The following LRRC18 variants were observed in gnomAD, a reference collection of about 807,000 sequenced individuals.
LRRC18 encodes the protein leucine rich repeat containing 18.
In LRRC18, 12 loss-of-function variants were observed where a neutral mutation model predicts 11.2. The observed-to-expected ratio is 1.07, with a 90% CI of 0.69 to 1.74. The LOEUF is 1.74. LRRC18 is among the 40% of genes most tolerant of loss of function. LRRC18 has a pLI of 0.00. For synonymous variants in LRRC18, 155 were observed against 130.6 expected (o/e 1.19, Z -1.27); for missense variants, 374 against 330.5 (o/e 1.13, Z -1.02).
At chr10:48,931,606 CT>C in the LRRC18 span, among the ~76,000 whole-genome samples, 6 of 152,318 alleles carry the variant, frequency 3.9e-5, no homozygotes, top group Middle Eastern at 3.4e-3. Flanking sequence ...CTGTGGCCTA[CT>C]TTTTGAAGGA....
intron 1 of LRRC18, among the ~76,000 whole-genome samples, chr10:48,912,078 A>G (rs1266128778): frequency 1.3e-5 from 2 of 152,242 alleles, no homozygotes; most frequent in African/African-American, 2.4e-5. Flanking sequence ...CCCTCAAGGT[A>G]TCATTCTTGA....
At chr10:48,913,746 G>A (rs17853700) in exon 1 of LRRC18, 1 of 1,613,846 alleles carries the variant, frequency 6.2e-7, no homozygotes, top group Non-Finnish European at 8.5e-7. Flanking sequence ...CAGTGTGGTG[G>A]GCACGCTGTC....
intron 1 of LRRC18, among the ~76,000 whole-genome samples, chr10:48,911,819 A>C (rs1041187508): frequency 1.3e-5 from 2 of 152,252 alleles, no homozygotes; most frequent in Non-Finnish European, 2.9e-5. Context: ...AAAGGGAAAA[A>C]CTAAAATGAA....
At chr10:48,939,536 AAAGCC>A in the LRRC18 span, among the ~76,000 whole-genome samples, 1 of 152,218 alleles carries the variant, frequency 6.6e-6, no homozygotes, top group Admixed American at 6.5e-5. Flanking sequence ...AGCACATTAG[AAAGCC>A]AAGAGCCATT....
the LRRC18 span, among the ~76,000 whole-genome samples, chr10:48,939,522 C>T: frequency 6.6e-6 from 1 of 152,216 alleles, no homozygotes; most frequent in Non-Finnish European, 1.5e-5. Flanking sequence ...CCACGGATCT[C>T]AGGAGCACAT....
At chr10:48,911,982 T>G (rs982342246) in intron 1 of LRRC18, among the ~76,000 whole-genome samples, 1 of 152,188 alleles carries the variant, frequency 6.6e-6, no homozygotes, top group East Asian at 1.9e-4. Context: ...TAATACCACT[T>G]CACTGATGGA....
At chr10:48,926,335 T>C in the LRRC18 span, among the ~76,000 whole-genome samples, 1 of 152,230 alleles carries the variant, frequency 6.6e-6, no homozygotes, top group Non-Finnish European at 1.5e-5. Context: ...TCCCCAGAAC[T>C]CTGGGTGATG....
chr10:48,926,464 A>G, the LRRC18 span, among the ~76,000 whole-genome samples: 5 of 152,194 alleles, frequency 3.3e-5, no homozygotes, highest in Admixed American at 6.5e-5. Flanking sequence ...CAGCCAGCCA[A>G]CGCAACAGAT....
upstream of LRRC18, among the ~76,000 whole-genome samples, chr10:48,914,734 C>A (rs993979856): frequency 2.0e-5 from 3 of 152,170 alleles, no homozygotes; most frequent in African/African-American, 7.2e-5. Context: ...CCCTCATGGA[C>A]CCAGAGGAAC....
At chr10:48,925,971 C>T in the LRRC18 span, among the ~76,000 whole-genome samples, 46 of 152,130 alleles carry the variant, frequency 3.0e-4, no homozygotes, top group Non-Finnish European at 5.4e-4. Flanking sequence ...AGTTAAGTGA[C>T]TTCCCCAAAG....
chr10:48,933,091 T>G, the LRRC18 span, among the ~76,000 whole-genome samples: 11 of 150,326 alleles, frequency 7.3e-5, no homozygotes, highest in East Asian at 2.0e-4. Flanking sequence ...AAGAGGGGAG[T>G]CTGTGCTGAA....
upstream of LRRC18, among the ~76,000 whole-genome samples, chr10:48,914,961 C>T (rs1223039573): frequency 6.6e-6 from 1 of 152,214 alleles, no homozygotes; most frequent in East Asian, 1.9e-4. Flanking sequence ...TTCAACTCCT[C>T]TGCACAGAAA....
chr10:48,919,778 T>G, the LRRC18 span, among the ~76,000 whole-genome samples: 1 of 152,194 alleles, frequency 6.6e-6, no homozygotes, highest in Non-Finnish European at 1.5e-5. Flanking sequence ...ACACTCACAC[T>G]GGAGATCAGA....
chr10:48,939,158 A>G, the LRRC18 span, among the ~76,000 whole-genome samples: 1 of 152,158 alleles, frequency 6.6e-6, no homozygotes. Context: ...TCAGAGGGGG[A>G]CTGGCAGAGC....
chr10:48,933,649 G>A, the LRRC18 span, among the ~76,000 whole-genome samples: 1 of 152,274 alleles, frequency 6.6e-6, no homozygotes, highest in Non-Finnish European at 1.5e-5. Context: ...CCCAGTTCTA[G>A]GGGCTGAGAT....
the LRRC18 span, among the ~76,000 whole-genome samples, chr10:48,938,460 A>C: frequency 1.3e-5 from 2 of 152,244 alleles, no homozygotes; most frequent in Non-Finnish European, 2.9e-5. Context: ...CTGGAGGCCC[A>C]GCCACAGGCT....
the LRRC18 span, chr10:48,932,655 A>G: frequency 6.6e-6 from 1 of 152,038 alleles, no homozygotes; most frequent in Non-Finnish European, 1.5e-5. Flanking sequence ...TAAAAAAAAA[A>G]AAGAGGGAGA....
At chr10:48,938,722 G>A in the LRRC18 span, among the ~76,000 whole-genome samples, 2 of 152,198 alleles carry the variant, frequency 1.3e-5, no homozygotes, top group Non-Finnish European at 1.5e-5. Flanking sequence ...GTCTGGGGGG[G>A]TAAAGGACAG....
At chr10:48,917,518 A>G (rs1838660573), upstream of LRRC18, among the ~76,000 whole-genome samples, 1 of 152,254 alleles carries the variant, frequency 6.6e-6, no homozygotes, top group African/African-American at 2.4e-5. Flanking sequence ...CGTATCACCC[A>G]CAGGGGAACA....
Sources: allele counts gnomAD v4.1 joint callset (sites outside exome capture counted in the v4.1 genomes callset), GRCh38; gene constraint gnomAD v4.1.1; transcripts MANE v1.5; gene names NCBI Gene and HGNC (gene_info 2026-07-23, HGNC 2026-07-21).